The following CSMD1 variants were observed in gnomAD, a reference collection of about 807,000 sequenced individuals.
The protein encoded by CSMD1 is CUB and Sushi multiple domains 1, also known as CUB and sushi domain-containing protein 1.
Under a neutral mutation model 417.5 loss-of-function variants are expected in CSMD1, and 213 were observed. That is an observed-to-expected ratio of 0.51 (90% CI 0.46 to 0.57). The LOEUF (loss-of-function observed/expected upper bound fraction) is 0.57. Among genes scored for constraint, CSMD1 ranks in the 20% least tolerant of loss-of-function variants. The probability of loss-of-function intolerance (pLI) is 0.00; values close to 1 mark genes in which losing one functional copy is unlikely to be tolerated. For synonymous variants in CSMD1, 2,862 were observed against 1,736.8 expected, an observed-to-expected ratio of 1.65 and a Z score of -16.11; for missense variants, 6,923 against 4,529.7, an observed-to-expected ratio of 1.53 and a Z score of -15.17.
intron 1 of CSMD1, among the ~76,000 whole-genome samples, chr8:4,841,934 A>G (rs1230671154): frequency 6.9e-6 from 1 of 145,546 alleles, no homozygotes; most frequent in African/African-American, 2.5e-5. Context: ...AAAAAAAAAA[A>G]AAAAGTTCAG....
chr8:3,359,136 G>C lies in CSMD1; in HGVS notation c.3304+16C>G. ...GCCCCCATGGATGAATGAAATGAAA[G>C]CGTGTGACCACCTACCCACACACCT... On this transcript the variant is annotated intron_variant, in intron 21 of 69. Coordinates refer to ENST00000635120, the MANE Select transcript of CSMD1 (RefSeq NM_033225.6). The C allele has an allele frequency of 6.2e-7, 1 of 1,613,166 alleles. No individual in the cohort carries two copies.
In CSMD1 at chr8:4,448,124, T is replaced by C. The variant is rs146742286; in HGVS notation, c.303-28059A>G. 3.2e-4 allele frequency among the ~76,000 whole-genome samples: 49 copies of C among 152,352 alleles called. No homozygotes were observed. In the East Asian group the frequency reaches 7.1e-3, roughly 22 times the overall value. ...TATGTTCTTGATCTCTTCCTAGTTC[T>C]CACTTTTACCAATGTGTATCGCTCG... On this transcript the variant is annotated intron_variant, in intron 2 of 69. Transcript: ENST00000635120.
intron 1 of CSMD1, among the ~76,000 whole-genome samples, chr8:4,770,149 T>C (rs564724977): frequency 1.3e-5 from 2 of 151,066 alleles, no homozygotes; most frequent in Non-Finnish European, 3.0e-5. Flanking sequence ...AGAAGCAACA[T>C]ACAGATTCAA....
intron 1 of CSMD1, among the ~76,000 whole-genome samples, chr8:4,813,346 G>C (rs1413738231): frequency 6.6e-6 from 1 of 151,160 alleles, no homozygotes; most frequent in Non-Finnish European, 1.5e-5. Flanking sequence ...CTAAGATTCT[G>C]GAAAAAAAAA....
At chr8:2,998,989 A>G (rs917023445) in intron 53 of CSMD1, among the ~76,000 whole-genome samples, 2 of 152,190 alleles carry the variant, frequency 1.3e-5, no homozygotes, top group African/African-American at 4.8e-5. Flanking sequence ...CTTCATAGGA[A>G]AATATACAAT....
At chr8:4,001,392 A>C (rs1815663138) in intron 4 of CSMD1, among the ~76,000 whole-genome samples, 1 of 152,136 alleles carries the variant, frequency 6.6e-6, no homozygotes, top group Non-Finnish European at 1.5e-5. Context: ...GGAAGGTTCG[A>C]TGACCTGCAG....
At chr8:4,938,569 G>A (rs1019848767) in intron 1 of CSMD1, among the ~76,000 whole-genome samples, 4 of 152,186 alleles carry the variant, frequency 2.6e-5, no homozygotes, top group African/African-American at 4.8e-5. Flanking sequence ...CCCTCACACA[G>A]TTGTCAGTCT....
At chr8:2,948,081 A>G (rs1294467108) in intron 68 of CSMD1, among the ~76,000 whole-genome samples, 2 of 152,080 alleles carry the variant, frequency 1.3e-5, no homozygotes, top group African/African-American at 4.8e-5. Flanking sequence ...CAAAGCCTAT[A>G]TGGTAATATT....
chr8:4,171,933 C>T (rs1382123556), intron 3 of CSMD1, among the ~76,000 whole-genome samples: 1 of 152,112 alleles, frequency 6.6e-6, no homozygotes, highest in Non-Finnish European at 1.5e-5. Flanking sequence ...TCGCAATACT[C>T]TAGATTTTGT....
chr8:3,706,712 G>A (rs1022661354), intron 7 of CSMD1, among the ~76,000 whole-genome samples: 2 of 151,622 alleles, frequency 1.3e-5, no homozygotes. Flanking sequence ...GGCCGGATAT[G>A]TGGTTCTACA....
intron 49 of CSMD1, among the ~76,000 whole-genome samples, chr8:3,065,145 G>A (rs1282429044): frequency 6.6e-6 from 1 of 151,778 alleles, no homozygotes; most frequent in Non-Finnish European, 1.5e-5. Context: ...TCATAAATAA[G>A]CAAATAATGT....
chr8:3,868,757 C>T (rs191230838), intron 5 of CSMD1, among the ~76,000 whole-genome samples: 1 of 152,222 alleles, frequency 6.6e-6, no homozygotes, highest in South Asian at 2.1e-4. Flanking sequence ...ACATCCAACA[C>T]ATCAGCAATT....
chr8:4,775,151 C>A (rs544336901), intron 1 of CSMD1, among the ~76,000 whole-genome samples: 1 of 152,234 alleles, frequency 6.6e-6, no homozygotes, highest in Non-Finnish European at 1.5e-5. Flanking sequence ...CCCAGGAAAC[C>A]ATGCAGTAAT....
intron 1 of CSMD1, among the ~76,000 whole-genome samples, chr8:4,851,457 T>G (rs1801476505): frequency 6.6e-6 from 1 of 152,054 alleles, no homozygotes; most frequent in Non-Finnish European, 1.5e-5. Flanking sequence ...CTTGTCAACC[T>G]CTATTTTTTT....
chr8:4,302,324 A>G (rs1303610196), intron 3 of CSMD1, among the ~76,000 whole-genome samples: 2 of 152,138 alleles, frequency 1.3e-5, no homozygotes, highest in East Asian at 1.9e-4. Flanking sequence ...TAATAACTGT[A>G]AAAATAATAA....
intron 1 of CSMD1, among the ~76,000 whole-genome samples, chr8:4,780,017 C>T (rs922059521): frequency 6.6e-6 from 1 of 151,846 alleles, no homozygotes. Flanking sequence ...CTTTCACAAA[C>T]AATGGAAGCA....
intron 51 of CSMD1, 149 bp downstream of exon 51, chr8:3,029,170 C>T (rs1810158967): frequency 1.9e-6 from 1 of 536,910 alleles, no homozygotes; most frequent in African/African-American, 1.9e-5. Flanking sequence ...TACATATTCA[C>T]ATCGCAATGA....
In CSMD1 at chr8:3,493,690, G is replaced by A. The variant is rs776858109; in HGVS notation, c.1381C>T (p.Arg461Ter). The A allele has an allele frequency of 6.2e-7, 1 of 1,611,918 alleles. No homozygotes were observed. Among genetic ancestry groups the A allele is most frequent in the Non-Finnish European group, 8.5e-7 (1 of 1,179,100 alleles). Reference sequence around the variant, plus strand: ...CCAACCGTCAGGGTGTCATAGCCTCGCTCCAGCTCAAACTCTTCAAAGGCA... The same window carrying A: ...CCAACCGTCAGGGTGTCATAGCCTCACTCCAGCTCAAACTCTTCAAAGGCA... The part of the protein sequence containing the change: ...KLAFEEFELE[R>*]GYDTLTVGDA... The change falls in exon 11 of 70, where the codon CGA (arginine) becomes TGA (stop). Residue 461 changes from arginine (R) to a stop codon, truncating the protein, a stop_gained. Transcript: ENST00000635120. LOFTEE classifies it high-confidence loss of function.
chr8:3,326,178 G>C (rs112224967), intron 23 of CSMD1, among the ~76,000 whole-genome samples: 1 of 152,142 alleles, frequency 6.6e-6, no homozygotes, highest in African/African-American at 2.4e-5. Flanking sequence ...TGACAGTTCC[G>C]TCTTCGCGAT....
Sources: allele counts gnomAD v4.1 joint callset (sites outside exome capture counted in the v4.1 genomes callset), GRCh38; gene constraint gnomAD v4.1.1; transcripts MANE v1.5; gene names NCBI Gene and HGNC (gene_info 2026-07-23, HGNC 2026-07-21).